ST3GAL6: variants seen among roughly 807,000 people sequenced by gnomAD.
The protein encoded by ST3GAL6 is ST3 beta-galactoside alpha-2,3-sialyltransferase 6.
A neutral mutation model predicts 40.5 loss-of-function variants in ST3GAL6; 31 were observed. The ratio of observed to expected loss-of-function variants is 0.77; its 90% CI spans 0.58 to 1.03. ST3GAL6 has a LOEUF of 1.03. Ranked by LOEUF, ST3GAL6 falls within the 50% of genes least tolerant of loss-of-function variation. The pLI is 0.00. For missense variants in ST3GAL6, 357 were observed against 393.2 expected, an observed-to-expected ratio of 0.91 and a Z score of 0.78; for synonymous variants, 129 against 136.9, an observed-to-expected ratio of 0.94 and a Z score of 0.40.
At chr3:98,771,016 T>C (rs918038986) in intron 3 of ST3GAL6, 60 bp downstream of exon 3, 1 of 1,577,402 alleles carries the variant, frequency 6.3e-7, no homozygotes, top group Admixed American at 1.7e-5. Context: ...CTTGTAATCA[T>C]TTTCCACACT....
intron 3 of ST3GAL6, among the ~76,000 whole-genome samples, chr3:98,771,705 A>G (rs1469162384): frequency 6.6e-6 from 1 of 152,130 alleles, no homozygotes; most frequent in African/African-American, 2.4e-5. Flanking sequence ...TTTACAATCA[A>G]TCAACTCTCT....
chr3:98,742,181 T>A (rs552572922), intron 1 of ST3GAL6, among the ~76,000 whole-genome samples: 4 of 152,316 alleles, frequency 2.6e-5, no homozygotes, highest in African/African-American at 9.6e-5. Context: ...CCTTCCCCTC[T>A]CCACTCCTTT....
chr3:98,764,063 G>A (rs1039091401), intron 1 of ST3GAL6, among the ~76,000 whole-genome samples: 1 of 152,140 alleles, frequency 6.6e-6, no homozygotes, highest in Non-Finnish European at 1.5e-5. Context: ...GGGAGGTGAG[G>A]TTTGTGTGTG....
chr3:98,789,359 C>G (rs1941012116), intron 8 of ST3GAL6, among the ~76,000 whole-genome samples: 1 of 152,160 alleles, frequency 6.6e-6, no homozygotes, highest in African/African-American at 2.4e-5. Flanking sequence ...TATTCTCTTC[C>G]CTCTACAACC....
chr3:98,756,258 A>T, intron 1 of ST3GAL6: 1 of 862,610 alleles, frequency 1.2e-6, no homozygotes, highest in South Asian at 1.4e-5. Context: ...AGGAGATCAG[A>T]AGTGAGTTTA....
intron 1 of ST3GAL6, chr3:98,733,007 C>A: frequency 6.9e-7 from 1 of 1,456,822 alleles, no homozygotes; most frequent in East Asian, 2.8e-5. Flanking sequence ...GTTTGCACTG[C>A]CCGGGTGAGG....
At chr3:98,743,801 C>G (rs1011686091) in intron 1 of ST3GAL6, among the ~76,000 whole-genome samples, 2 of 152,076 alleles carry the variant, frequency 1.3e-5, no homozygotes, top group South Asian at 4.1e-4. Context: ...CATTAATTAG[C>G]GCCTGGTATT....
intron 5 of ST3GAL6, chr3:98,782,958 A>G: frequency 3.3e-6 from 1 of 304,954 alleles, no homozygotes; most frequent in Non-Finnish European, 6.5e-6. Flanking sequence ...TCAATTGGAA[A>G]TGCTCAGAAG....
intron 9 of ST3GAL6, 38 bp downstream of exon 9, chr3:98,792,031 G>T: frequency 1.3e-6 from 2 of 1,494,074 alleles, no homozygotes; most frequent in Non-Finnish European, 1.8e-6. Flanking sequence ...CATATGCTTT[G>T]GACTAATCTT....
At chr3:98,769,379 G>T (rs1012438092) in intron 2 of ST3GAL6, among the ~76,000 whole-genome samples, 7 of 152,154 alleles carry the variant, frequency 4.6e-5, no homozygotes, top group Non-Finnish European at 1.0e-4. Context: ...AAAGTTTTAG[G>T]CTTTGGACCC....
In ST3GAL6 at chr3:98,769,860, T is replaced by C. The variant is rs116061124; in HGVS notation, c.90-1019T>C. Among the ~76,000 whole-genome samples, 620 of 152,360 alleles carry C rather than the reference T, an allele frequency of 4.1e-3. 5 individuals carry two copies. Among genetic ancestry groups the C allele is most frequent in the African/African-American group, 0.013 (556 of 41,586 alleles). On this transcript the variant is annotated intron_variant, in intron 2 of 9. Coordinates refer to ENST00000483910, the MANE Select transcript of ST3GAL6 (RefSeq NM_001323368.2). ...CTTTAGAAATCAAATAATATCTTCA[T>C]GTTATCCTCCAAATATAATTGAGAT...
chr3:98,774,816 G>T (rs1576100915), intron 5 of ST3GAL6, among the ~76,000 whole-genome samples: 1 of 152,164 alleles, frequency 6.6e-6, no homozygotes, highest in Non-Finnish European at 1.5e-5. Context: ...TTTTGTCCAG[G>T]TTTATCTCAT....
upstream of ST3GAL6, among the ~76,000 whole-genome samples, chr3:98,758,758 T>C (rs1937558060): frequency 2.6e-5 from 4 of 152,212 alleles, no homozygotes; most frequent in Admixed American, 2.6e-4. Flanking sequence ...GCTAAGTTTT[T>C]AGGGAGGGCT....
intron 6 of ST3GAL6, among the ~76,000 whole-genome samples, chr3:98,786,454 G>A (rs1940722593): frequency 6.6e-6 from 1 of 152,196 alleles, no homozygotes; most frequent in African/African-American, 2.4e-5. Flanking sequence ...TAAGGACAGA[G>A]TGGTGACCAT....
chr3:98,756,645 C>T, intron 1 of ST3GAL6: 3 of 982,588 alleles, frequency 3.1e-6, no homozygotes, highest in Non-Finnish European at 3.9e-6. Context: ...GTTAAAATCC[C>T]CTCTTCTATG....
intron 1 of ST3GAL6, among the ~76,000 whole-genome samples, chr3:98,740,092 T>A (rs1322626317): frequency 6.6e-6 from 1 of 152,220 alleles, no homozygotes; most frequent in Non-Finnish European, 1.5e-5. Flanking sequence ...TACAATTAAA[T>A]GATAAATAAT....
rs191328504 is a variant in ST3GAL6, at chr3:98,744,941, G to T, written c.-12+12409G>T. 5.9e-5 allele frequency among the ~76,000 whole-genome samples: 9 copies of T among 151,848 alleles called. No individual in the cohort carries two copies. The East Asian group carries it at 1.5e-3, about 26-fold the overall frequency. On this transcript the variant is annotated intron_variant, in intron 1 of 9. Transcript: ENST00000265261. ...CAATTAGACTTTGGTTAGTAATAGG[G>T]AACCATGCAGAGCATACTAGACATG...
chr3:98,780,512 G>T (rs915348926), intron 5 of ST3GAL6, among the ~76,000 whole-genome samples: 1 of 152,168 alleles, frequency 6.6e-6, no homozygotes, highest in African/African-American at 2.4e-5. Flanking sequence ...ATATGGTGAC[G>T]TAGAGCTGCA....
At chr3:98,778,561 C>T (rs1051199949) in intron 5 of ST3GAL6, among the ~76,000 whole-genome samples, 1 of 152,206 alleles carries the variant, frequency 6.6e-6, no homozygotes, top group African/African-American at 2.4e-5. Context: ...GCAGCCCCTG[C>T]CTGCTTTCTA....
Sources: gnomAD v4.1 joint callset for allele counts (sites outside exome capture counted in the v4.1 genomes callset) on GRCh38, gnomAD v4.1.1 for gene constraint, MANE v1.5 for transcripts, NCBI Gene and HGNC (gene_info 2026-07-23, HGNC 2026-07-21) for gene names.